Variants in TAF1 observed in about 807,000 individuals in gnomAD.
TAF1 encodes transcription initiation factor TFIID subunit 1.
TAF1 carries 2 observed loss-of-function variants against 138.5 expected under a neutral mutation model. That is an observed-to-expected ratio of 0.01 (90% CI 0.01 to 0.05). TAF1 has a LOEUF of 0.05. TAF1 is among the 10% of genes least tolerant of loss of function. The pLI, the probability that TAF1 is intolerant of heterozygous loss-of-function variation, is 1.00. For missense variants in TAF1, 709 were observed against 1,478.0 expected (o/e 0.48, Z 8.53); for synonymous variants, 437 against 503.2 (o/e 0.87, Z 1.76).
intron 28 of TAF1, chrX:71,420,418 A>G (rs2036267695): frequency 8.3e-7 from 1 of 1,210,633 alleles, no homozygotes; most frequent in East Asian, 3.0e-5. Context: ...ACTGAACCAC[A>G]GCCATGAAAG....
At chrX:71,472,873 T>C (rs2038913869) in intron 13 of TAF1, among the ~76,000 whole-genome samples, 1 of 112,617 alleles carries the variant, frequency 8.9e-6, no homozygotes, top group Non-Finnish European at 1.9e-5. Context: ...TGACCACTTT[T>C]ATCTGTTACA....
intron 13 of TAF1, among the ~76,000 whole-genome samples, chrX:71,480,220 C>A (rs1035716135): frequency 9.1e-6 from 1 of 110,013 alleles, no homozygotes; most frequent in East Asian, 2.9e-4. Context: ...CTGAGACTGT[C>A]TCAAAAAACA....
At chrX:71,522,884 T>G (rs1569417270) in intron 13 of TAF1, among the ~76,000 whole-genome samples, 1 of 102,987 alleles carries the variant, frequency 9.7e-6, no homozygotes, top group Non-Finnish European at 2.0e-5. Flanking sequence ...AGCACATATT[T>G]AAAAATCAGG....
At chrX:71,397,958 A>G (rs929753977) in intron 23 of TAF1, among the ~76,000 whole-genome samples, 2 of 112,120 alleles carry the variant, frequency 1.8e-5, no homozygotes, top group Admixed American at 1.9e-4. Context: ...ATTACAGGGA[A>G]AATTCTATTC....
intron 13 of TAF1, among the ~76,000 whole-genome samples, chrX:71,473,019 GT>G (rs1300051348): frequency 8.1e-5 from 9 of 111,600 alleles, no homozygotes; most frequent in African/African-American, 2.3e-4. Flanking sequence ...TTTAGAAAGG[GT>G]TTTTTTTGTT....
chrX:71,433,065 T>C (rs1334756136), intron 32 of TAF1, among the ~76,000 whole-genome samples: 2 of 111,825 alleles, frequency 1.8e-5, no homozygotes, highest in Non-Finnish European at 3.8e-5. Flanking sequence ...AGATAGAAAT[T>C]AATGGGCCTG....
chrX:71,367,486 G>T lies in TAF1; in HGVS notation c.121-13G>T. The stretch of plus-strand genomic sequence containing the variant: ...TTAGTTGTTATCTTCGACTCGTGCT[G>T]TCCCTTTTTCAGGAATGTAAGAAGC... On this transcript the variant is annotated splice_polypyrimidine_tract_variant and intron_variant, in intron 1 of 37. Coordinates refer to ENST00000423759, the MANE Select transcript of TAF1 (RefSeq NM_004606.5). The T allele has an allele frequency of 1.7e-6, 2 of 1,210,327 alleles. No individual in the cohort carries two copies. Among genetic ancestry groups the T allele is most frequent in the South Asian group, 1.8e-5 (1 of 56,878 alleles).
rs1297695455 is a variant in TAF1 at position 71,445,606 on chromosome X, TCTCA to T, written c.4754-8560_4754-8557del. Among the ~76,000 whole-genome samples, 3 of 111,801 alleles carry T rather than the reference TCTCA, an allele frequency of 2.7e-5. No individual in the cohort carries two copies. In the East Asian group the frequency reaches 8.4e-4, roughly 31 times the overall value. On this transcript the variant is annotated intron_variant, in intron 32 of 37. Transcript: ENST00000423759. The stretch of plus-strand genomic sequence containing the variant: ...TCTTACTATCAGGTAGAGTGATTCC[TCTCA>T]CTCTTTTTCAAAACTGTTTTATTTT...
At chrX:71,483,436 T>C (rs756539605) in intron 13 of TAF1, among the ~76,000 whole-genome samples, 53 of 106,686 alleles carry the variant, frequency 5.0e-4, no homozygotes, top group African/African-American at 1.7e-3. Context: ...TTTTTTTTTT[T>C]CCCTTTGAAA....
At chrX:71,445,110 A>G (rs2037625664) in intron 32 of TAF1, among the ~76,000 whole-genome samples, 1 of 109,408 alleles carries the variant, frequency 9.1e-6, no homozygotes, top group South Asian at 4.0e-4. Context: ...AGCCTGGTCA[A>G]CATGGTGAAA....
intron 3 of TAF1, among the ~76,000 whole-genome samples, chrX:71,371,656 T>G (rs1394004629): frequency 9.0e-6 from 1 of 111,661 alleles, no homozygotes; most frequent in East Asian, 2.8e-4. Context: ...CAACATAGAC[T>G]GTTGAGTGAG....
intron 32 of TAF1, among the ~76,000 whole-genome samples, chrX:71,428,278 T>G (rs1228960327): frequency 9.0e-6 from 1 of 110,988 alleles, no homozygotes; most frequent in African/African-American, 3.3e-5. Flanking sequence ...CCAACTCAAT[T>G]TTTTAGTAGA....
intron 28 of TAF1, among the ~76,000 whole-genome samples, chrX:71,411,271 A>G (rs1248590071): frequency 9.3e-6 from 1 of 107,582 alleles, no homozygotes; most frequent in Admixed American, 1.0e-4. Context: ...TAGTAGAGAC[A>G]GGGTTTCACC....
At chrX:71,386,713 C>T (rs933733819) in intron 14 of TAF1, among the ~76,000 whole-genome samples, 1 of 112,914 alleles carries the variant, frequency 8.9e-6, no homozygotes, top group Non-Finnish European at 1.9e-5. Flanking sequence ...GATCTACCTG[C>T]CTCGGCTTCC....
At chrX:71,450,807 T>C (rs746157305) in intron 32 of TAF1, among the ~76,000 whole-genome samples, 2 of 112,730 alleles carry the variant, frequency 1.8e-5, no homozygotes, top group Admixed American at 9.4e-5. Context: ...GAATGATCAG[T>C]ATATTAAAAG....
chrX:71,411,543 T>C lies in TAF1; in HGVS notation c.4384+3392T>C, dbSNP rs761418543. Among the ~76,000 whole-genome samples, 9 of 112,397 alleles carry C rather than the reference T, an allele frequency of 8.0e-5. No homozygotes were observed. In the East Asian group the frequency reaches 2.0e-3, roughly 24 times the overall value. ...CAGTTATATCTAACGTCAGAGCCTG[T>C]ACTCTTAACCACCATGCTCCATATA... On this transcript the variant is annotated intron_variant, in intron 28 of 37. Transcript: ENST00000423759.
At chrX:71,503,176 CAGG>C (rs1172047473) in intron 13 of TAF1, among the ~76,000 whole-genome samples, 1 of 104,968 alleles carries the variant, frequency 9.5e-6, no homozygotes, top group African/African-American at 3.5e-5. Context: ...GAGGTTGAGG[CAGG>C]AGAATTGCTT....
intron 32 of TAF1, among the ~76,000 whole-genome samples, chrX:71,452,985 G>T (rs937761373): frequency 9.0e-6 from 1 of 111,655 alleles, no homozygotes; most frequent in African/African-American, 3.3e-5. Context: ...CAGGCAGGCA[G>T]GTTGCAGTGA....
rs186958175 is a variant in TAF1 at position 71,413,826 on chromosome X, A to G, written c.4384+5675A>G. The G allele has an allele frequency of 2.7e-4, 30 of 111,962 alleles. No homozygotes were observed. In the Admixed American group the frequency reaches 2.7e-3, roughly 10 times the overall value. 9.2% of individuals were successfully genotyped at this position (111,962 alleles called of 1,213,427 possible). ...CCAAGTCCCATAAATTGGAAATTCT[A>G]AGTTGCCAATGGAAAAACAAATAAC... is the stretch of plus-strand genomic sequence containing the variant. On this transcript the variant is annotated intron_variant, in intron 28 of 37. Coordinates refer to ENST00000423759, the MANE Select transcript of TAF1 (RefSeq NM_004606.5).
Sources: gnomAD v4.1 joint callset for allele counts (sites outside exome capture counted in the v4.1 genomes callset) on GRCh38, gnomAD v4.1.1 for gene constraint, MANE v1.5 for transcripts, NCBI Gene and HGNC (gene_info 2026-07-23, HGNC 2026-07-21) for gene names.